The following ERICH3 variants were observed in gnomAD, a reference collection of about 807,000 sequenced individuals.
ERICH3 encodes glutamate-rich protein 3.
In ERICH3, 126 loss-of-function variants were observed where a neutral mutation model predicts 131.1. That is an observed-to-expected ratio of 0.96 (90% confidence interval 0.83 to 1.11). ERICH3 has a LOEUF of 1.11. Ranked by LOEUF, ERICH3 falls within the 50% of genes most tolerant of loss-of-function variation. The pLI is 0.00. For missense variants in ERICH3, 2,050 were observed against 1,810.7 expected (o/e 1.13, Z -2.40); for synonymous variants, 695 against 644.6 (o/e 1.08, Z -1.18).
At chr1:74,599,366 G>A (rs1648008863) in intron 11 of ERICH3, among the ~76,000 whole-genome samples, 1 of 151,836 alleles carries the variant, frequency 6.6e-6, no homozygotes, top group Admixed American at 6.6e-5. Context: ...ATGAGTGGGA[G>A]CTAAATGATG....
Position 74,641,534 on chromosome 1 carries a change from A to AATACT in ERICH3, c.316-80_316-76dup, listed in dbSNP as rs1316911620. On this transcript the variant is annotated intron_variant, in intron 4 of 14. Coordinates refer to ENST00000326665, the MANE Select transcript of ERICH3 (RefSeq NM_001002912.5). Reference sequence around the variant, plus strand: ...GTTAGATTATGCATGACATGTGCGAAATACTATATGACTAAAGAAATTCTT... The same window carrying AATACT: ...GTTAGATTATGCATGACATGTGCGAAATACTATACTATATGACTAAAGAAATTCTT... The AATACT allele has an allele frequency of 2.1e-6, 3 of 1,453,214 alleles. No individual in the cohort carries two copies. The East Asian group carries it at 7.1e-5, about 34-fold the overall frequency. 90.0% of individuals were successfully genotyped at this position (1,453,214 alleles called of 1,614,324 possible). A position where few individuals can be genotyped will look rare whatever the true frequency, so the allele number is the denominator to read the frequency against.
intron 1 of ERICH3, among the ~76,000 whole-genome samples, chr1:74,670,512 C>T (rs761070194): frequency 5.3e-5 from 8 of 152,148 alleles, no homozygotes; most frequent in East Asian, 1.9e-4. Context: ...TAAATTGTGA[C>T]GATTTCATGA....
intron 3 of ERICH3, 94 bp from the exon 4 acceptor site, chr1:74,643,192 C>A (rs1570901823): frequency 1.2e-6 from 1 of 815,294 alleles, no homozygotes; most frequent in South Asian, 1.7e-5. Context: ...ACTATATTCT[C>A]AATTAGTCCT....
chr1:74,631,931 G>A lies in ERICH3; in HGVS notation c.604-3C>T. ...AACTTCATCACTGCCTTCTTGCCCT[G>A]TAATCATATTTCATCGCATAAGAAC... On this transcript the variant is annotated splice_region_variant and splice_polypyrimidine_tract_variant and intron_variant, in intron 6 of 14. Coordinates refer to ENST00000326665, the MANE Select transcript of ERICH3 (RefSeq NM_001002912.5). 6.2e-7 allele frequency: 1 copy of A among 1,607,556 alleles called. No homozygotes were observed. Among genetic ancestry groups the A allele is most frequent in the South Asian group, 1.1e-5 (1 of 90,694 alleles).
At chr1:74,673,201 C>A (rs1252521448) in intron 1 of ERICH3, among the ~76,000 whole-genome samples, 1 of 152,158 alleles carries the variant, frequency 6.6e-6, no homozygotes, top group Non-Finnish European at 1.5e-5. Context: ...TTGATCCCAG[C>A]GAAGGTCCTT....
intron 12 of ERICH3, 199 bp from the exon 13 acceptor site, chr1:74,577,135 T>C (rs1647074747): frequency 2.0e-6 from 1 of 495,534 alleles, no homozygotes; most frequent in Non-Finnish European, 3.5e-6. Context: ...TATTTAATCC[T>C]AGACATCAAT....
At chr1:74,673,436 A>T in intron 1 of ERICH3, 61 bp downstream of exon 1, 1 of 1,596,740 alleles carries the variant, frequency 6.3e-7, no homozygotes. Context: ...AGGGAGGAGG[A>T]GGGGCAGCTG....
chr1:74,673,609 G>T lies in ERICH3; in HGVS notation c.-90C>A. ...CGCTGGCGCTGCGACAGTCGCGCTCGAGGGGTGGCTCCGCACCGAGGTCCC... is the reference window on the plus strand; with the variant it reads ...CGCTGGCGCTGCGACAGTCGCGCTCTAGGGGTGGCTCCGCACCGAGGTCCC... On this transcript the variant is annotated 5_prime_UTR_variant, in exon 1 of 15. Transcript: ENST00000326665. 3 of 1,473,792 alleles carry T rather than the reference G, an allele frequency of 2.0e-6. No individual in the cohort carries two copies. In the South Asian group the frequency reaches 3.6e-5, roughly 18 times the overall value. 91.3% of individuals were successfully genotyped at this position (1,473,792 alleles called of 1,614,324 possible).
intron 7 of ERICH3, chr1:74,624,129 C>G (rs1649333476): frequency 6.6e-6 from 1 of 152,150 alleles, no homozygotes; most frequent in African/African-American, 2.4e-5. Context: ...TCTGTCCTTT[C>G]CATATTCTGA....
intron 12 of ERICH3, among the ~76,000 whole-genome samples, chr1:74,586,970 A>G (rs1040321602): frequency 6.6e-6 from 1 of 152,192 alleles, no homozygotes; most frequent in Non-Finnish European, 1.5e-5. Flanking sequence ...TTGTCTAAAT[A>G]TTATTCCATG....
Position 74,579,286 on chromosome 1 carries a change from G to T in ERICH3, c.2177-2350C>A, listed in dbSNP as rs968898149. ...AAGCTTTTTCCAAGTAGTCCACAGGGTATAAAAATATAGTCTATAATATTA... is the reference window on the plus strand; with the variant it reads ...AAGCTTTTTCCAAGTAGTCCACAGGTTATAAAAATATAGTCTATAATATTA... On this transcript the variant is annotated intron_variant, in intron 12 of 14. Transcript: ENST00000326665. 1.7e-5 allele frequency: 10 copies of T among 601,294 alleles called. No individual in the cohort carries two copies. The South Asian group carries it at 2.9e-4, about 18-fold the overall frequency. 37.2% of individuals were successfully genotyped at this position (601,294 alleles called of 1,614,324 possible). A position where few individuals can be genotyped will look rare whatever the true frequency, so the allele number is the denominator to read the frequency against.
chr1:74,568,501 A>C lies in ERICH3; in HGVS notation c.*1957T>G, dbSNP rs1203829831. 1 of 152,198 alleles carries C rather than the reference A, an allele frequency of 6.6e-6. No individual in the cohort carries two copies. The highest frequency in any genetic ancestry group is 1.5e-5 in the Non-Finnish European group (1 of 67,992). 9.4% of individuals were successfully genotyped at this position (152,198 alleles called of 1,614,324 possible). A position where few individuals can be genotyped will look rare whatever the true frequency, so the allele number is the denominator to read the frequency against. On this transcript the variant is annotated 3_prime_UTR_variant, in exon 15 of 15. Coordinates refer to ENST00000326665, the MANE Select transcript of ERICH3 (RefSeq NM_001002912.5). ...CCACAGTAATACAGCTCAGTAATAAATGAACTTGAATATAATGTAGATGAA... is the reference window on the plus strand; with the variant it reads ...CCACAGTAATACAGCTCAGTAATAACTGAACTTGAATATAATGTAGATGAA...
chr1:74,590,207 T>C (rs1048827874), intron 11 of ERICH3, 127 bp from the exon 12 acceptor site: 40 of 822,106 alleles, frequency 4.9e-5, no homozygotes, highest in Middle Eastern at 3.8e-4. Context: ...CCTGATATCC[T>C]TTTCCCATAT....
rs141061905 is a variant in ERICH3, at chr1:74,621,107, A to G, written c.820-193T>C. Among the ~76,000 whole-genome samples, 181 of 152,262 alleles carry G rather than the reference A, an allele frequency of 1.2e-3. 1 individual carries two copies. Among genetic ancestry groups the G allele is most frequent in the African/African-American group, 4.0e-3 (165 of 41,564 alleles). ...ATAAATCCTCCTAAATAACTATAAC[A>G]TATATGTTTTGGCTTTCTACTTTTA... On this transcript the variant is annotated intron_variant, in intron 7 of 14. Transcript: ENST00000326665.
Position 74,572,129 on chromosome 1 carries a change from TCTC to T in ERICH3, c.3578_3580del (p.Arg1193_Glu1194delinsLys). On this transcript the variant is annotated inframe_deletion, in exon 14 of 15. Coordinates refer to ENST00000326665, the MANE Select transcript of ERICH3 (RefSeq NM_001002912.5). ...CCTATTCTCCCTGCTGGACAGCTCT[TCTC>T]TGTCTTTGTGCTCTGTGTCTCTGGC... is the stretch of plus-strand genomic sequence containing the variant. 1 of 1,614,210 alleles carries T rather than the reference TCTC, an allele frequency of 6.2e-7. No homozygotes were observed.
chr1:74,618,990 C>A (rs1245844673), intron 8 of ERICH3, among the ~76,000 whole-genome samples: 4 of 152,174 alleles, frequency 2.6e-5, no homozygotes, highest in African/African-American at 9.7e-5. Flanking sequence ...GATTGCTGAA[C>A]CACAAGTCAA....
At chr1:74,585,811 T>C (rs193061308) in intron 12 of ERICH3, among the ~76,000 whole-genome samples, 15 of 152,258 alleles carry the variant, frequency 9.9e-5, no homozygotes, top group Admixed American at 3.3e-4. Context: ...TTGTTATTCA[T>C]ACAAAAAATT....
At position 74,664,310 on chromosome 1, in the gene ERICH3, TAA is replaced by T. The variant is rs5775254; in HGVS notation, c.23+9185_23+9186del. ...TACAGATAAATACAAAAAGGAAGAT[TAA>T]AAAAAAAAAAAACTTGTATCCCTAG... On this transcript the variant is annotated intron_variant, in intron 1 of 14. Coordinates refer to ENST00000326665, the MANE Select transcript of ERICH3 (RefSeq NM_001002912.5). 4.9e-3 allele frequency among the ~76,000 whole-genome samples: 711 copies of T among 146,570 alleles called. 2 individuals carry two copies. The highest frequency in any genetic ancestry group is 0.011 in the African/African-American group (429 of 40,260).
At chr1:74,641,955 T>A (rs915709509) in intron 4 of ERICH3, among the ~76,000 whole-genome samples, 3 of 152,136 alleles carry the variant, frequency 2.0e-5, no homozygotes, top group Admixed American at 1.3e-4. Context: ...GCCCATGTAC[T>A]TCCTTTAGTG....
Sources: allele counts gnomAD v4.1 joint callset (sites outside exome capture counted in the v4.1 genomes callset), GRCh38; gene constraint gnomAD v4.1.1; transcripts MANE v1.5; gene names NCBI Gene and HGNC (gene_info 2026-07-23, HGNC 2026-07-21).